OVGP1: variants seen among roughly 807,000 people sequenced by gnomAD.
OVGP1 encodes the protein oviduct-specific glycoprotein.
Under a neutral mutation model 48.2 loss-of-function variants are expected in OVGP1, and 26 were observed. The ratio of observed to expected loss-of-function variants is 0.54; its 90% CI spans 0.40 to 0.75. OVGP1 has a LOEUF of 0.75. Among genes scored for constraint, OVGP1 ranks in the 30% least tolerant of loss-of-function variants. The pLI, the probability that OVGP1 is intolerant of heterozygous loss-of-function variation, is 0.00. For synonymous variants in OVGP1, 294 were observed against 305.7 expected (o/e 0.96, Z 0.40); for missense variants, 791 against 820.6 (o/e 0.96, Z 0.44).
rs766685831 is a variant in OVGP1, at chr1:111,425,484, G to C, written c.261-45C>G. ...GTTGATGAGCTGGGTTCTTCACTCC[G>C]GTGGGCAGCTGCTGCCACATTCTTT... is the stretch of plus-strand genomic sequence containing the variant. On this transcript the variant is annotated intron_variant, in intron 3 of 10. Coordinates refer to ENST00000369732, the MANE Select transcript of OVGP1 (RefSeq NM_002557.4). 1.9e-6 allele frequency: 3 copies of C among 1,613,136 alleles called. No homozygotes were observed. In the African/African-American group the frequency reaches 4.0e-5, roughly 22 times the overall value.
At chr1:111,422,341 C>A (rs1230449715) in intron 6 of OVGP1, among the ~76,000 whole-genome samples, 1 of 152,178 alleles carries the variant, frequency 6.6e-6, no homozygotes, top group Non-Finnish European at 1.5e-5. Context: ...CAGGAACATC[C>A]CATTTCTGTT....
chr1:111,422,883 G>C lies in OVGP1; in HGVS notation c.608+44C>G, dbSNP rs764928207. The C allele has an allele frequency of 1.1e-4, 184 of 1,610,140 alleles. 1 individual carries two copies. The highest frequency in any genetic ancestry group is 9.0e-5 in the Non-Finnish European group (106 of 1,177,132). On this transcript the variant is annotated intron_variant, in intron 6 of 10. Coordinates refer to ENST00000369732, the MANE Select transcript of OVGP1 (RefSeq NM_002557.4). ...CTGGGGTTCTGAGCTCAAGACACCT[G>C]CTTCCCACCAATGTCCTGCCCCACC... is the stretch of plus-strand genomic sequence containing the variant.
chr1:111,425,495 G>C (rs765157480), intron 3 of OVGP1, 56 bp from the exon 4 acceptor site: 1 of 1,610,910 alleles, frequency 6.2e-7, no homozygotes. Context: ...GTGGGCAGCT[G>C]CTGCCACATT....
intron 7 of OVGP1, 33 bp downstream of exon 7, chr1:111,421,532 G>A: frequency 6.9e-6 from 11 of 1,603,510 alleles, no homozygotes; most frequent in Non-Finnish European, 8.5e-6. Context: ...GGGGGCAGAT[G>A]TCTGGACCAC....
chr1:111,427,138 CAG>C (rs1236216078), intron 1 of OVGP1, 47 bp from the exon 2 acceptor site: 1 of 1,613,516 alleles, frequency 6.2e-7, no homozygotes, highest in Admixed American at 1.7e-5. Context: ...ATACCCTCAC[CAG>C]AGTGGTATGG....
Position 111,414,539 on chromosome 1 carries a change from T to G in OVGP1, c.1962A>C (p.Ser654=), listed in dbSNP as rs769216956. Residue 654 remains serine (S), a synonymous_variant, in exon 11 of 11, where the codon TCA becomes TCC. Coordinates refer to ENST00000369732, the MANE Select transcript of OVGP1 (RefSeq NM_002557.4). The stretch of plus-strand genomic sequence containing the variant: ...AAAGAGGACTTGTTTGAGGGGTTAC[T>G]GAGTTGACAGAGGAATGGTTTCCAT... ...PIYGNHSSVN[S]VTPQTSPLSL... 12 of 1,614,166 alleles carry G rather than the reference T, an allele frequency of 7.4e-6. No individual in the cohort carries two copies. The South Asian group carries it at 1.1e-4, about 15-fold the overall frequency.
intron 1 of OVGP1, chr1:111,427,307 CAT>C (rs1232276506): frequency 4.1e-6 from 4 of 985,360 alleles, no homozygotes; most frequent in Non-Finnish European, 2.4e-6. Context: ...TTTTGATAAA[CAT>C]GTGTATATGC....
intron 4 of OVGP1, 68 bp downstream of exon 4, chr1:111,425,315 C>G (rs751970963): frequency 1.0e-5 from 16 of 1,592,618 alleles, no homozygotes; most frequent in African/African-American, 4.0e-5. Context: ...TGCCTTCCCC[C>G]TCTGTCTTCA....
chr1:111,423,193 A>G, intron 5 of OVGP1, 142 bp from the exon 6 acceptor site: 1 of 942,654 alleles, frequency 1.1e-6, no homozygotes, highest in Non-Finnish European at 1.6e-6. Flanking sequence ...GCCATGCCAC[A>G]GGCTCATGAG....
intron 3 of OVGP1, 43 bp downstream of exon 3, chr1:111,426,394 G>C: frequency 6.2e-7 from 1 of 1,612,918 alleles, no homozygotes; most frequent in Non-Finnish European, 8.5e-7. Flanking sequence ...TCTTATACCT[G>C]TGAAATCTGA....
intron 9 of OVGP1, 35 bp downstream of exon 9, chr1:111,419,575 C>A (rs1368564241): frequency 8.0e-7 from 1 of 1,242,336 alleles, no homozygotes; most frequent in Non-Finnish European, 1.2e-6. Flanking sequence ...CGGTAGGAAA[C>A]CATGTGCTGG....
In OVGP1 at chr1:111,414,772, G is replaced by A. The variant is rs1484103224; in HGVS notation, c.1729C>T (p.Pro577Ser). The A allele has an allele frequency of 1.2e-6, 2 of 1,607,924 alleles. No homozygotes were observed. Among genetic ancestry groups the A allele is most frequent in the Non-Finnish European group, 1.7e-6 (2 of 1,175,308 alleles). ...KAVAREKVTVPSRNISVTPEG... is the reference protein window; with the variant it reads ...KAVAREKVTVSSRNISVTPEG... ...GGGGTGACTGATATGTTTCTGGAGG[G>A]GACAGTCACCTTTTCACGGGCCACA... is the stretch of plus-strand genomic sequence containing the variant. The change falls in exon 11 of 11, where the codon CCC (proline) becomes TCC (serine). Residue 577 changes from proline (P) to serine (S), a missense_variant. Coordinates refer to ENST00000369732, the MANE Select transcript of OVGP1 (RefSeq NM_002557.4).
Position 111,414,908 on chromosome 1 carries a change from AGACTGATGACCCACAGGG to A in OVGP1, c.1575_1592del (p.Pro526_Ser531del). ...CAGACTGATGACTCACAGGGGTCACAGACTGATGACCCACAGGGGTCAGGGTCTTTTCCCCAGGGGTCA... is the reference window on the plus strand; with the variant it reads ...CAGACTGATGACTCACAGGGGTCACAGTCAGGGTCTTTTCCCCAGGGGTCA... On this transcript the variant is annotated inframe_deletion, in exon 11 of 11. Coordinates refer to ENST00000369732, the MANE Select transcript of OVGP1 (RefSeq NM_002557.4). 5 of 1,460,136 alleles carry A rather than the reference AGACTGATGACCCACAGGG, an allele frequency of 3.4e-6. No individual in the cohort carries two copies. Among genetic ancestry groups the A allele is most frequent in the Non-Finnish European group, 4.6e-6 (5 of 1,095,798 alleles). 90.4% of individuals were successfully genotyped at this position (1,460,136 alleles called of 1,614,324 possible). A position where few individuals can be genotyped will look rare whatever the true frequency, so the allele number is the denominator to read the frequency against.
chr1:111,416,556 G>A, intron 9 of OVGP1, 98 bp from the exon 10 acceptor site: 1 of 1,123,728 alleles, frequency 8.9e-7, no homozygotes, highest in Non-Finnish European at 1.2e-6. Flanking sequence ...AAGCAATGTA[G>A]CTGGGTGGTT....
chr1:111,425,613 G>C, intron 3 of OVGP1, 174 bp from the exon 4 acceptor site: 2 of 1,219,876 alleles, frequency 1.6e-6, no homozygotes, highest in Non-Finnish European at 2.3e-6. Context: ...ACAGGAGAGA[G>C]GAGGAAAGAC....
At chr1:111,418,985 T>C (rs1398326129) in intron 9 of OVGP1, among the ~76,000 whole-genome samples, 1 of 152,118 alleles carries the variant, frequency 6.6e-6, no homozygotes, top group African/African-American at 2.4e-5. Context: ...GTGGTGGTCA[T>C]AGTTTGGCTC....
Position 111,415,071 on chromosome 1 carries a change from A to T in OVGP1, c.1430T>A (p.Met477Lys). 1.2e-6 allele frequency: 2 copies of T among 1,613,868 alleles called. No individual in the cohort carries two copies. The highest frequency in any genetic ancestry group is 1.7e-6 in the Non-Finnish European group (2 of 1,179,924). Residue 477 changes from methionine (M) to lysine (K), a missense_variant, in exon 11 of 11, where the codon ATG (methionine) becomes AAG (lysine). Transcript: ENST00000369732. The stretch of plus-strand genomic sequence containing the variant: ...CTGATGACCCACAGAAGTCATGGTC[A>T]TTGCCCCAGTGATCTCAGTCTTCTC... ...LGEKTEITGA[M>K]TMTSVGHQSM...
At position 111,421,682 on chromosome 1, in the gene OVGP1, G is replaced by C; in HGVS notation, c.609-9C>G. The C allele has an allele frequency of 6.5e-7, 1 of 1,536,012 alleles. No homozygotes were observed. The highest frequency in any genetic ancestry group is 9.0e-7 in the Non-Finnish European group (1 of 1,109,050). On this transcript the variant is annotated splice_polypyrimidine_tract_variant and intron_variant, in intron 6 of 10. Coordinates refer to ENST00000369732, the MANE Select transcript of OVGP1 (RefSeq NM_002557.4). ...TGATGAAATCCAGGAGTCTGTAAGGGGCAGGAGGAAGAGATATAAAGACTG... is the reference window on the plus strand; with the variant it reads ...TGATGAAATCCAGGAGTCTGTAAGGCGCAGGAGGAAGAGATATAAAGACTG...
In OVGP1 at chr1:111,414,662, C is replaced by T. The variant is rs759436282; in HGVS notation, c.1839G>A (p.Gln613=). The change falls in exon 11 of 11, where the codon CAG becomes CAA. Residue 613 remains glutamine, a synonymous_variant. Coordinates refer to ENST00000369732, the MANE Select transcript of OVGP1 (RefSeq NM_002557.4). The stretch of plus-strand genomic sequence containing the variant: ...GCATCATCCTGTTTTCAGCTTCCAT[C>T]TGAAGACCCAAGTTACCCATCCTGG... ...THPRMGNLGL[Q]MEAENRMMLS... The T allele has an allele frequency of 6.2e-7, 1 of 1,614,192 alleles. No homozygotes were observed. Among genetic ancestry groups the T allele is most frequent in the Non-Finnish European group, 8.5e-7 (1 of 1,180,040 alleles).
Sources: allele counts gnomAD v4.1 joint callset (sites outside exome capture counted in the v4.1 genomes callset), GRCh38; gene constraint gnomAD v4.1.1; transcripts MANE v1.5; gene names NCBI Gene and HGNC (gene_info 2026-07-23, HGNC 2026-07-21).